CRYZL1: variants seen among roughly 807,000 people sequenced by gnomAD.
CRYZL1 encodes the protein crystallin zeta like 1, also known as ferry endosomal RAB5 effector complex subunit 4.
Under a neutral mutation model 50.6 loss-of-function variants are expected in CRYZL1, and 34 were observed. The observed-to-expected ratio is 0.67, with a 90% CI of 0.51 to 0.89. The LOEUF is 0.89. Ranked by LOEUF, CRYZL1 falls within the 40% of genes least tolerant of loss-of-function variation. The pLI, the probability that CRYZL1 is intolerant of heterozygous loss-of-function variation, is 0.00. For synonymous variants in CRYZL1, 125 were observed against 134.3 expected, an observed-to-expected ratio of 0.93 and a Z score of 0.48; for missense variants, 354 against 402.3, an observed-to-expected ratio of 0.88 and a Z score of 1.03.
rs1217062963 is a variant in CRYZL1, at chr21:33,620,902, C to CTTTTTT, written c.217+1088_217+1093dup. On this transcript the variant is annotated intron_variant, in intron 4 of 12. Coordinates refer to ENST00000381554, the MANE Select transcript of CRYZL1 (RefSeq NM_145858.3). ...TACCCGTAGACCAGGGGTGTCCAAT[C>CTTTTTT]TTTTTTTTTTTTTTTTTTTTTTTGA... 2.7e-4 allele frequency among the ~76,000 whole-genome samples: 19 copies of CTTTTTT among 69,134 alleles called. 2 individuals are homozygous for CTTTTTT. Among genetic ancestry groups the CTTTTTT allele is most frequent in the East Asian group, 5.2e-4 (1 of 1,918 alleles). 45.4% of individuals were successfully genotyped at this position (69,134 alleles called of 152,430 possible).
chr21:33,595,762 A>C lies in CRYZL1; in HGVS notation c.873T>G (p.Asn291Lys). 1 of 1,614,178 alleles carries C rather than the reference A, an allele frequency of 6.2e-7. No individual in the cohort carries two copies. The highest frequency in any genetic ancestry group is 8.5e-7 in the Non-Finnish European group (1 of 1,179,992). ...TLAFLNDEVW[N>K]LSNVQQGKYL... is the part of the protein sequence containing the mutation. The stretch of plus-strand genomic sequence containing the variant: ...ATTTTCCCTGTTGTACATTTGACAA[A>C]TTCCAAACTTCATCATTCAGGAAAG... Residue 291 changes from asparagine to lysine, a missense_variant, in exon 11 of 13, where the codon AAT becomes AAG. Transcript: ENST00000381554.
chr21:33,624,869 C>A, intron 2 of CRYZL1, 109 bp from the exon 3 acceptor site: 1 of 1,363,612 alleles, frequency 7.3e-7, no homozygotes, highest in Non-Finnish European at 9.6e-7. Context: ...TAGACAGACC[C>A]TAAATCTCAC....
intron 6 of CRYZL1, among the ~76,000 whole-genome samples, chr21:33,612,085 A>AC (rs535147647): frequency 9.4e-4 from 143 of 152,322 alleles, no homozygotes; most frequent in Middle Eastern, 3.4e-3. Flanking sequence ...ATTACAAATA[A>AC]GCTGCTATCA....
At chr21:33,601,916 CAAAAAAA>C (rs540305920) in intron 8 of CRYZL1, among the ~76,000 whole-genome samples, 2 of 59,980 alleles carry the variant, frequency 3.3e-5, no homozygotes, top group Non-Finnish European at 7.0e-5. Flanking sequence ...GACCCTGTTT[CAAAAAAA>C]AAAAAAAAAG....
chr21:33,627,768 C>T (rs577009924), intron 2 of CRYZL1, among the ~76,000 whole-genome samples: 54 of 130,138 alleles, frequency 4.1e-4, no homozygotes, highest in Non-Finnish European at 6.7e-4. Flanking sequence ...TTTTTGAGAC[C>T]GAGTCTTGCT....
chr21:33,633,248 G>A (rs1038657046), intron 1 of CRYZL1, among the ~76,000 whole-genome samples: 9 of 152,142 alleles, frequency 5.9e-5, no homozygotes, highest in Admixed American at 2.0e-4. Flanking sequence ...CTATGAATGA[G>A]GAAAGTGAGT....
intron 4 of CRYZL1, among the ~76,000 whole-genome samples, chr21:33,621,609 G>C (rs1219618636): frequency 6.6e-6 from 1 of 152,170 alleles, no homozygotes; most frequent in African/African-American, 2.4e-5. Flanking sequence ...CCAAAGTGCT[G>C]GGATTACAGG....
intron 6 of CRYZL1, among the ~76,000 whole-genome samples, chr21:33,604,113 A>G (rs930496302): frequency 2.6e-5 from 4 of 151,846 alleles, no homozygotes; most frequent in Non-Finnish European, 4.4e-5. Context: ...CACGCTTGTA[A>G]TCCTAGCACT....
At chr21:33,590,052 C>G (rs1009416451) in intron 12 of CRYZL1, 131 bp from the exon 13 acceptor site, 17 of 580,012 alleles carry the variant, frequency 2.9e-5, no homozygotes, top group African/African-American at 2.5e-4. Flanking sequence ...GAGTCTGGCT[C>G]TCTCATCCAG....
intron 8 of CRYZL1, among the ~76,000 whole-genome samples, chr21:33,601,626 G>A (rs1045550885): frequency 1.3e-5 from 2 of 152,248 alleles, no homozygotes; most frequent in Middle Eastern, 3.4e-3. Flanking sequence ...TATCACTTAA[G>A]TAAACTGGGG....
chr21:33,593,055 A>C (rs921837524), intron 11 of CRYZL1, among the ~76,000 whole-genome samples: 3 of 151,808 alleles, frequency 2.0e-5, no homozygotes, highest in African/African-American at 7.2e-5. Context: ...CTATCTCAAA[A>C]AAAAAAAAAA....
At chr21:33,590,299 G>A (rs1385869862) in intron 12 of CRYZL1, among the ~76,000 whole-genome samples, 1 of 152,038 alleles carries the variant, frequency 6.6e-6, no homozygotes. Flanking sequence ...TTACAGGCAT[G>A]AGCCACTGCA....
In CRYZL1 at chr21:33,601,357, G is replaced by A. The variant is rs140176609; in HGVS notation, c.577+877C>T. 5.0e-3 allele frequency among the ~76,000 whole-genome samples: 764 copies of A among 152,148 alleles called. 6 individuals are homozygous for A. The highest frequency in any genetic ancestry group is 0.014 in the African/African-American group (596 of 41,508). ...TCTCTGTCACAAGCATAATGTAACA[G>A]TGGAAATAATGTGAGCTTTACTGTC... is the stretch of plus-strand genomic sequence containing the variant. On this transcript the variant is annotated intron_variant, in intron 8 of 12. Transcript: ENST00000381554.
At chr21:33,637,100 T>C (rs1439212786) in intron 1 of CRYZL1, among the ~76,000 whole-genome samples, 2 of 152,206 alleles carry the variant, frequency 1.3e-5, no homozygotes, top group East Asian at 3.8e-4. Context: ...GACACAAAGC[T>C]GGACTCATCT....
chr21:33,596,268 G>A (rs577542931), intron 10 of CRYZL1: 118 of 409,730 alleles, frequency 2.9e-4, no homozygotes, highest in African/African-American at 2.3e-3. Context: ...TTAGGAAATT[G>A]TGATAATTTT....
At chr21:33,638,693 TATAAG>T (rs2087240855) in intron 1 of CRYZL1, among the ~76,000 whole-genome samples, 1 of 152,250 alleles carries the variant, frequency 6.6e-6, no homozygotes, top group African/African-American at 2.4e-5. Context: ...CCTGTTATTA[TATAAG>T]ATGGGCACAG....
chr21:33,634,557 C>T (rs915239386), intron 1 of CRYZL1, among the ~76,000 whole-genome samples: 3 of 149,666 alleles, frequency 2.0e-5, no homozygotes, highest in East Asian at 4.1e-4. Context: ...TACTAACTAG[C>T]GGGCTTTCCC....
chr21:33,609,531 G>C (rs760517806), intron 6 of CRYZL1, among the ~76,000 whole-genome samples: 1 of 151,566 alleles, frequency 6.6e-6, no homozygotes, highest in Non-Finnish European at 1.5e-5. Context: ...GGCTAGTCTC[G>C]GACTCCTGAG....
At chr21:33,609,231 C>G (rs2086844786) in intron 6 of CRYZL1, among the ~76,000 whole-genome samples, 1 of 152,124 alleles carries the variant, frequency 6.6e-6, no homozygotes, top group Non-Finnish European at 1.5e-5. Flanking sequence ...AACCCCTTAT[C>G]AGATGTACGG....
Sources: gnomAD v4.1 joint callset for allele counts (sites outside exome capture counted in the v4.1 genomes callset) on GRCh38, gnomAD v4.1.1 for gene constraint, MANE v1.5 for transcripts, NCBI Gene and HGNC (gene_info 2026-07-23, HGNC 2026-07-21) for gene names.